Variants in DYM observed in about 807,000 individuals in gnomAD.
The protein encoded by DYM is dymeclin.
DYM carries 78 observed loss-of-function variants against 93.1 expected under a neutral mutation model. The ratio of observed to expected loss-of-function variants is 0.84; its 90% CI spans 0.70 to 1.01. The LOEUF (loss-of-function observed/expected upper bound fraction) is 1.01. DYM is among the 50% of genes least tolerant of loss of function. DYM has a pLI of 0.00. For synonymous variants in DYM, 321 were observed against 319.7 expected (o/e 1.00, Z -0.04); for missense variants, 789 against 845.0 (o/e 0.93, Z 0.82).
chr18:49,390,924 C>T (rs1165777568), intron 3 of DYM: 1 of 154,288 alleles, frequency 6.5e-6, no homozygotes, highest in South Asian at 2.0e-4. Flanking sequence ...GTAAAACTGC[C>T]TGCATTTTAA....
intron 15 of DYM, among the ~76,000 whole-genome samples, chr18:49,131,870 A>AC (rs1256889287): frequency 1.3e-5 from 2 of 152,172 alleles, no homozygotes; most frequent in East Asian, 3.9e-4. Flanking sequence ...AAAAGGACAT[A>AC]CCAGAATGTG....
At chr18:49,054,849 C>T (rs1653301824) in intron 17 of DYM, among the ~76,000 whole-genome samples, 1 of 152,090 alleles carries the variant, frequency 6.6e-6, no homozygotes, top group East Asian at 1.9e-4. Flanking sequence ...TAAGTAAGGG[C>T]GAAAAGACTC....
rs60775305 is a variant in DYM, at chr18:49,313,462, C to CAAAAAA, written c.763+18396_763+18401dup. ...TCGGCAACAGAGCAAGACTCTGTCA[C>CAAAAAA]AAAAAAAAAAAAAAAAAAAAAAAAA... On this transcript the variant is annotated intron_variant, in intron 8 of 17. Transcript: ENST00000675505. 5.8e-3 allele frequency among the ~76,000 whole-genome samples: 166 copies of CAAAAAA among 28,562 alleles called. 35 individuals carry two copies. Among genetic ancestry groups the CAAAAAA allele is most frequent in the East Asian group, 7.5e-3 (12 of 1,596 alleles). 18.7% of individuals were successfully genotyped at this position (28,562 alleles called of 152,430 possible). A position where few individuals can be genotyped will look rare whatever the true frequency, so the allele number is the denominator to read the frequency against.
chr18:49,241,635 A>G (rs2094012471), intron 13 of DYM, among the ~76,000 whole-genome samples: 1 of 152,204 alleles, frequency 6.6e-6, no homozygotes, highest in East Asian at 1.9e-4. Context: ...TAATAAATGG[A>G]TATTCATAAA....
At chr18:49,194,010 A>C (rs1261899393) in intron 14 of DYM, among the ~76,000 whole-genome samples, 1 of 152,208 alleles carries the variant, frequency 6.6e-6, no homozygotes, top group Non-Finnish European at 1.5e-5. Flanking sequence ...TAAATTCTGG[A>C]AGCCAAATAA....
At chr18:49,398,108 T>C (rs1266372363) in intron 2 of DYM, among the ~76,000 whole-genome samples, 9 of 152,170 alleles carry the variant, frequency 5.9e-5, no homozygotes, top group Admixed American at 3.9e-4. Flanking sequence ...TTAAAAGATA[T>C]CGTCTTTTTA....
At chr18:49,308,002 G>A (rs913475164) in intron 8 of DYM, among the ~76,000 whole-genome samples, 6 of 152,098 alleles carry the variant, frequency 3.9e-5, no homozygotes, top group African/African-American at 1.4e-4. Flanking sequence ...ACTGCAATAT[G>A]CAATTTTGCT....
At chr18:49,303,600 G>C (rs1440369274) in intron 8 of DYM, among the ~76,000 whole-genome samples, 2 of 152,140 alleles carry the variant, frequency 1.3e-5, no homozygotes, top group Non-Finnish European at 2.9e-5. Context: ...CCTTTGGCTG[G>C]AGCTGTGCAG....
chr18:49,317,946 A>G (rs1457480809), intron 8 of DYM, among the ~76,000 whole-genome samples: 7 of 152,006 alleles, frequency 4.6e-5, no homozygotes, highest in African/African-American at 1.7e-4. Flanking sequence ...TCTAGAGGGG[A>G]TAGTAGTTAG....
At chr18:49,121,130 T>C (rs200384569) in intron 15 of DYM, among the ~76,000 whole-genome samples, 1 of 152,110 alleles carries the variant, frequency 6.6e-6, no homozygotes, top group Non-Finnish European at 1.5e-5. Context: ...AGAGGGAATA[T>C]AAAAGAACTG....
Position 49,159,327 on chromosome 18 carries a change from T to C in DYM, c.1728+4358A>G, listed in dbSNP as rs541783990. Among the ~76,000 whole-genome samples, 3 of 152,286 alleles carry C rather than the reference T, an allele frequency of 2.0e-5. No individual in the cohort carries two copies. In the East Asian group the frequency reaches 5.8e-4, roughly 29 times the overall value. ...ATAGAAACATCTCTGAATTTAAATT[T>C]TGTCATATGAAAATCAGATCAGAAT... is the stretch of plus-strand genomic sequence containing the variant. On this transcript the variant is annotated intron_variant, in intron 15 of 17. Transcript: ENST00000675505.
chr18:49,278,826 A>G (rs978713667), intron 10 of DYM, among the ~76,000 whole-genome samples: 1 of 152,212 alleles, frequency 6.6e-6, no homozygotes, highest in Non-Finnish European at 1.5e-5. Context: ...GAAGCCAAAA[A>G]AAAAGCACAA....
Position 49,163,677 on chromosome 18 carries a change from C to A in DYM, c.1728+8G>T. 6.3e-7 allele frequency: 1 copy of A among 1,592,116 alleles called. No individual in the cohort carries two copies. The highest frequency in any genetic ancestry group is 8.6e-7 in the Non-Finnish European group (1 of 1,162,092). Reference sequence around the variant, plus strand: ...AATTTTTTATTGATGAATAAGGTAACTACTTACATAATCTGGTAGAGGAAC... The same window carrying A: ...AATTTTTTATTGATGAATAAGGTAAATACTTACATAATCTGGTAGAGGAAC... On this transcript the variant is annotated splice_region_variant and intron_variant, in intron 15 of 17. Transcript: ENST00000675505.
At chr18:49,213,553 C>T (rs1227977251) in intron 13 of DYM, among the ~76,000 whole-genome samples, 3 of 152,098 alleles carry the variant, frequency 2.0e-5, no homozygotes, top group African/African-American at 7.2e-5. Context: ...TGACCTCAGG[C>T]AATCCACCCA....
At chr18:49,115,839 T>C (rs2081878302) in intron 16 of DYM, among the ~76,000 whole-genome samples, 1 of 152,222 alleles carries the variant, frequency 6.6e-6, no homozygotes, top group Non-Finnish European at 1.5e-5. Flanking sequence ...GGCCACACTT[T>C]GCATCAGATT....
At chr18:49,390,067 A>C (rs1162960608) in intron 3 of DYM, among the ~76,000 whole-genome samples, 1 of 152,220 alleles carries the variant, frequency 6.6e-6, no homozygotes, top group African/African-American at 2.4e-5. Flanking sequence ...TATGGTTGTA[A>C]GGCAAGACAA....
intron 14 of DYM, among the ~76,000 whole-genome samples, chr18:49,201,577 G>C (rs755914736): frequency 1.8e-4 from 27 of 152,214 alleles, no homozygotes; most frequent in Non-Finnish European, 3.5e-4. Flanking sequence ...GCCTGGCCTA[G>C]CATTCAAGGC....
chr18:49,441,259 T>C (rs1184721667), intron 1 of DYM, among the ~76,000 whole-genome samples: 2 of 37,412 alleles, frequency 5.3e-5, no homozygotes, highest in African/African-American at 1.1e-4. Context: ...TTGTTATATA[T>C]AATTATATAA....
intron 8 of DYM, among the ~76,000 whole-genome samples, chr18:49,328,113 T>C (rs1330721038): frequency 1.3e-5 from 2 of 152,186 alleles, no homozygotes; most frequent in Non-Finnish European, 2.9e-5. Flanking sequence ...AAACCAACTA[T>C]TTCTGATAGA....
Sources: allele counts gnomAD v4.1 joint callset (sites outside exome capture counted in the v4.1 genomes callset), GRCh38; gene constraint gnomAD v4.1.1; transcripts MANE v1.5; gene names NCBI Gene and HGNC (gene_info 2026-07-23, HGNC 2026-07-21).